Variants in RORA observed in about 807,000 individuals in gnomAD.
RORA encodes nuclear receptor ROR-alpha.
In RORA, 7 loss-of-function variants were observed where a neutral mutation model predicts 69.5. The ratio of observed to expected loss-of-function variants is 0.10; its 90% confidence interval spans 0.06 to 0.19. The LOEUF is 0.19. RORA is among the 10% of genes least tolerant of loss of function. The pLI is 1.00. For synonymous variants in RORA, 261 were observed against 240.8 expected (o/e 1.08, Z -0.78); for missense variants, 457 against 663.0 (o/e 0.69, Z 3.41).
chr15:60,963,332 G>A (rs1893465152), intron 1 of RORA, among the ~76,000 whole-genome samples: 1 of 152,214 alleles, frequency 6.6e-6, no homozygotes, highest in African/African-American at 2.4e-5. Context: ...CAGGCCTGAG[G>A]CATGGGTCAT....
intron 2 of RORA, among the ~76,000 whole-genome samples, chr15:60,535,758 CTCAAT>C (rs2141471310): frequency 6.6e-6 from 1 of 152,198 alleles, no homozygotes; most frequent in Admixed American, 6.5e-5. Context: ...GTAGTGATCT[CTCAAT>C]AATAATCTAA....
At chr15:60,985,853 T>TAC (rs1053945733) in intron 1 of RORA, among the ~76,000 whole-genome samples, 24 of 152,332 alleles carry the variant, frequency 1.6e-4, no homozygotes, top group Admixed American at 1.4e-3. Context: ...ATGCTGGGAT[T>TAC]ACAGGTGTGA....
chr15:60,731,909 G>C (rs2071434944), intron 1 of RORA, among the ~76,000 whole-genome samples: 1 of 152,174 alleles, frequency 6.6e-6, no homozygotes, highest in Non-Finnish European at 1.5e-5. Context: ...CTGCAGAGGA[G>C]GACACGTCCC....
chr15:61,006,054 C>T (rs1317054920), intron 1 of RORA, among the ~76,000 whole-genome samples: 4 of 152,042 alleles, frequency 2.6e-5, no homozygotes, highest in South Asian at 2.1e-4. Context: ...CTGCAACCTC[C>T]ACCTCCTGGG....
rs963596455 is a variant in RORA at position 61,213,800 on chromosome 15, A to T, written c.166+15253T>A. The T allele has an allele frequency of 6.6e-6, 1 of 152,176 alleles. No homozygotes were observed. Among genetic ancestry groups the T allele is most frequent in the African/African-American group, 2.4e-5 (1 of 41,446 alleles). The allele number at this position is 152,176 out of a possible 1,614,324, so 9.4% of individuals were successfully genotyped here. A position where few individuals can be genotyped will look rare whatever the true frequency, so the allele number is the denominator to read the frequency against. ...TTAATTCAGCTTTGTCGTTCCATTG[A>T]CTAACATGGGACCTGACACATAGTA... On this transcript the variant is annotated intron_variant, in intron 1 of 10. Transcript: ENST00000335670. This position sits in a 1 kb window ranked among gnomAD's most constrained non-coding sequence, Gnocchi z 4.1.
chr15:60,736,648 G>A (rs977940305), intron 1 of RORA: 2 of 152,192 alleles, frequency 1.3e-5, no homozygotes, highest in African/African-American at 4.8e-5. Context: ...TGTCTACCAT[G>A]TATTATAATG....
At chr15:60,727,980 A>G (rs987255751) in intron 1 of RORA, among the ~76,000 whole-genome samples, 3 of 152,176 alleles carry the variant, frequency 2.0e-5, no homozygotes, top group African/African-American at 7.2e-5. Flanking sequence ...CCTGCTCACA[A>G]TGGGCTACAT....
chr15:60,540,199 T>C (rs1159639500), intron 2 of RORA, among the ~76,000 whole-genome samples: 3 of 152,158 alleles, frequency 2.0e-5, no homozygotes, highest in Non-Finnish European at 4.4e-5. Context: ...TACCAATTCC[T>C]TTTTTTCTCC....
At chr15:60,650,731 T>G (rs1349334949) in intron 2 of RORA, 1 of 152,198 alleles carries the variant, frequency 6.6e-6, no homozygotes, top group Non-Finnish European at 1.5e-5. Flanking sequence ...ATTTAGTACA[T>G]GGTTGAATTT....
intron 1 of RORA, among the ~76,000 whole-genome samples, chr15:61,046,814 T>C (rs782946): frequency 0.01 from 1,568 of 152,224 alleles, 37 homozygotes; most frequent in African/African-American, 0.036. Flanking sequence ...TCCTCTGGTG[T>C]CAACCTGAAG....
intron 1 of RORA, chr15:61,212,014 T>G (rs189375024): frequency 1.2e-3 from 178 of 152,234 alleles, no homozygotes; most frequent in African/African-American, 4.1e-3. Context: ...AAAAAAAAAT[T>G]CTTTCACTTA....
chr15:60,858,514 G>A (rs1156651868), intron 1 of RORA, among the ~76,000 whole-genome samples: 2 of 151,952 alleles, frequency 1.3e-5, no homozygotes, highest in South Asian at 4.2e-4. Context: ...GAGCTCAGGC[G>A]GGAGAAGAAA....
At chr15:61,197,501 T>C (rs1226114158) in intron 1 of RORA, among the ~76,000 whole-genome samples, 2 of 152,154 alleles carry the variant, frequency 1.3e-5, no homozygotes, top group South Asian at 2.1e-4. Flanking sequence ...GAGGGTTAAC[T>C]CTCTGGTGGT....
intron 2 of RORA, among the ~76,000 whole-genome samples, chr15:60,672,363 T>C (rs977339709): frequency 1.3e-5 from 2 of 152,158 alleles, no homozygotes; most frequent in Non-Finnish European, 2.9e-5. Context: ...AAACTGGGGA[T>C]TGCCTTTACA....
intron 1 of RORA, among the ~76,000 whole-genome samples, chr15:61,082,699 T>C (rs1004177693): frequency 3.3e-5 from 5 of 152,098 alleles, no homozygotes; most frequent in Admixed American, 3.3e-4. Context: ...GAAAGGCCAA[T>C]GGGGTTGCTC....
At chr15:61,223,958 T>C (rs1596084426) in intron 1 of RORA, among the ~76,000 whole-genome samples, 2 of 151,122 alleles carry the variant, frequency 1.3e-5, no homozygotes, top group Middle Eastern at 6.9e-3. Flanking sequence ...GGGTGAAAAA[T>C]TTAACAGCTC....
At chr15:60,566,474 T>C (rs1177249040) in intron 2 of RORA, among the ~76,000 whole-genome samples, 1 of 152,188 alleles carries the variant, frequency 6.6e-6, no homozygotes, top group Non-Finnish European at 1.5e-5. Context: ...TACTGGTGGA[T>C]GGATAAGCAG....
intron 3 of RORA, among the ~76,000 whole-genome samples, chr15:60,516,165 ATATATATT>A: frequency 2.9e-5 from 1 of 34,164 alleles, no homozygotes; most frequent in African/African-American, 1.2e-4. Flanking sequence ...ATATATTTAT[ATATATATT>A]TATATATATA....
At chr15:61,152,139 C>A (rs1260621075) in intron 1 of RORA, among the ~76,000 whole-genome samples, 1 of 152,106 alleles carries the variant, frequency 6.6e-6, no homozygotes, top group Non-Finnish European at 1.5e-5. Flanking sequence ...GAATCATAAA[C>A]CCGGAAAGGC....
Sources: allele counts gnomAD v4.1 joint callset (sites outside exome capture counted in the v4.1 genomes callset), GRCh38; gene constraint gnomAD v4.1.1; non-coding constraint Gnocchi (gnomAD v3.1); transcripts MANE v1.5; gene names NCBI Gene and HGNC (gene_info 2026-07-23, HGNC 2026-07-21).